CRYGS: variants seen among roughly 807,000 people sequenced by gnomAD.
CRYGS encodes the protein crystallin gamma S.
In CRYGS, 13 loss-of-function variants were observed where a neutral mutation model predicts 21.3. The ratio of observed to expected loss-of-function variants is 0.61; its 90% CI spans 0.40 to 0.97. The LOEUF (loss-of-function observed/expected upper bound fraction) is 0.97. CRYGS is among the 50% of genes least tolerant of loss of function. The pLI is 0.00. For missense variants in CRYGS, 205 were observed against 229.7 expected, an observed-to-expected ratio of 0.89 and a Z score of 0.69; for synonymous variants, 67 against 75.0, an observed-to-expected ratio of 0.89 and a Z score of 0.55.
chr3:186,539,306 C>T (rs377244223), intron 2 of CRYGS, 49 bp downstream of exon 2: 33 of 1,610,644 alleles, frequency 2.0e-5, no homozygotes, highest in Middle Eastern at 2.3e-4. Flanking sequence ...CAAGAGAAAG[C>T]GGACAGAGGG....
chr3:186,538,653 C>A lies in CRYGS; in HGVS notation c.*43G>T. 2 of 1,613,544 alleles carry A rather than the reference C, an allele frequency of 1.2e-6. No individual in the cohort carries two copies. Among genetic ancestry groups the A allele is most frequent in the Non-Finnish European group, 8.5e-7 (1 of 1,179,802 alleles). On this transcript the variant is annotated 3_prime_UTR_variant, in exon 3 of 3. Transcript: ENST00000307944. ...ATGCCTATTTGGACCACAAGGCCAGCCAGCATTTGGGCCCCAGGAAGAATA... is the reference window on the plus strand; with the variant it reads ...ATGCCTATTTGGACCACAAGGCCAGACAGCATTTGGGCCCCAGGAAGAATA...
Position 186,538,945 on chromosome 3 carries a change from A to G in CRYGS, c.288T>C (p.Ile96=). The G allele has an allele frequency of 1.2e-6, 2 of 1,614,088 alleles. No homozygotes were observed. The highest frequency in any genetic ancestry group is 8.5e-7 in the Non-Finnish European group (1 of 1,180,004). ...VHLPSGGQYK[I]QIFEKGDFSG... ...TAAAATCCCCTTTCTCAAAGATCTG[A>G]ATCTTATACTGGCCTCCACTAGGCT... The change falls in exon 3 of 3, where the codon ATT becomes ATC. Residue 96 remains isoleucine, a synonymous_variant. Transcript: ENST00000307944.
At chr3:186,544,122 A>G (rs2108745206) in intron 1 of CRYGS, among the ~76,000 whole-genome samples, 184 bp downstream of exon 1, 1 of 152,278 alleles carries the variant, frequency 6.6e-6, no homozygotes, top group East Asian at 1.9e-4. Context: ...AACCCTTAAT[A>G]AAGTGTTCGG....
intron 1 of CRYGS, chr3:186,539,848 T>G (rs997210527): frequency 4.4e-6 from 2 of 457,972 alleles, no homozygotes; most frequent in African/African-American, 2.0e-5. Context: ...GTGAGCAGTC[T>G]CAGACTCAAG....
chr3:186,540,245 G>A (rs1714033618), intron 1 of CRYGS: 1 of 152,848 alleles, frequency 6.5e-6, no homozygotes, highest in Non-Finnish European at 1.5e-5. Flanking sequence ...CGCTTATCAA[G>A]TTTCTACCAC....
intron 2 of CRYGS, 42 bp downstream of exon 2, chr3:186,539,313 A>G (rs1714000443): frequency 6.2e-7 from 1 of 1,611,592 alleles, no homozygotes. Flanking sequence ...AAGCGGACAG[A>G]GGGCGTGGGA....
At chr3:186,543,460 A>C (rs150636724) in intron 1 of CRYGS, among the ~76,000 whole-genome samples, 175 of 152,322 alleles carry the variant, frequency 1.1e-3, no homozygotes, top group Non-Finnish European at 2.1e-3. Flanking sequence ...CTAAATACTT[A>C]AGGCAAAAGT....
At chr3:186,541,669 A>C (rs1458788989) in intron 1 of CRYGS, among the ~76,000 whole-genome samples, 5 of 152,230 alleles carry the variant, frequency 3.3e-5, no homozygotes, top group African/African-American at 1.2e-4. Flanking sequence ...AGCTTTTGCT[A>C]CAGTTTTTAC....
chr3:186,544,176 T>A (rs1714134928), intron 1 of CRYGS, 130 bp downstream of exon 1: 1 of 754,868 alleles, frequency 1.3e-6, no homozygotes. Context: ...TTTCTTAATC[T>A]TCTCTCTCAA....
chr3:186,543,842 G>A (rs1052428961), intron 1 of CRYGS, among the ~76,000 whole-genome samples: 1 of 152,148 alleles, frequency 6.6e-6, no homozygotes, highest in Non-Finnish European at 1.5e-5. Context: ...AAAAATAATT[G>A]CTTGAATGGA....
intron 1 of CRYGS, chr3:186,539,940 C>T (rs1578957023): frequency 3.5e-6 from 1 of 284,456 alleles, no homozygotes; most frequent in East Asian, 8.9e-5. Flanking sequence ...TCTACCCCTC[C>T]CACCAGAATC....
rs112261986 is a variant in CRYGS at position 186,544,332 on chromosome 3, G to A, written c.-6C>T. ...TTGGTTCCAGTTTTAGACATTTTTG[G>A]TGCATAGACTGGTTTTCCCAGTGCT... On this transcript the variant is annotated 5_prime_UTR_variant, in exon 1 of 3. Transcript: ENST00000307944. 4.4e-6 allele frequency: 7 copies of A among 1,601,262 alleles called. No homozygotes were observed. The African/African-American group carries it at 8.0e-5, about 18-fold the overall frequency.
At chr3:186,542,933 T>C (rs571554660) in intron 1 of CRYGS, among the ~76,000 whole-genome samples, 4 of 151,966 alleles carry the variant, frequency 2.6e-5, no homozygotes, top group African/African-American at 9.7e-5. Flanking sequence ...TCCCCAAACC[T>C]CCTGAATGAC....
chr3:186,542,227 A>G (rs1578958349), intron 1 of CRYGS, among the ~76,000 whole-genome samples: 1 of 152,192 alleles, frequency 6.6e-6, no homozygotes, highest in East Asian at 1.9e-4. Context: ...AGTTGAAACA[A>G]AGCCCTCATC....
rs60190989 is a variant in CRYGS, at chr3:186,540,725, C to T, written c.22-1128G>A. ...TGATTTACTTTATGGATTTCACGGG[C>T]GAAAACTATGTGAGTCATTTCAGAT... On this transcript the variant is annotated intron_variant, in intron 1 of 2. Transcript: ENST00000307944. 5.2e-3 allele frequency: 5,132 copies of T among 977,986 alleles called. 187 individuals carry two copies. In the African/African-American group the frequency reaches 0.082, roughly 16 times the overall value. The allele number at this position is 977,986 out of a possible 1,614,324, so 60.6% of individuals were successfully genotyped here. A position where few individuals can be genotyped will look rare whatever the true frequency, so the allele number is the denominator to read the frequency against.
chr3:186,541,886 C>T (rs1714076961), intron 1 of CRYGS, among the ~76,000 whole-genome samples: 1 of 152,196 alleles, frequency 6.6e-6, no homozygotes, highest in Non-Finnish European at 1.5e-5. Context: ...GGGCCTAAGC[C>T]TCAGGGGCTC....
chr3:186,539,106 C>T, intron 2 of CRYGS, 138 bp from the exon 3 acceptor site: 1 of 1,131,814 alleles, frequency 8.8e-7, no homozygotes. Flanking sequence ...CATGTACTGA[C>T]TAAAACAGCT....
Position 186,539,610 on chromosome 3 carries a change from G to C in CRYGS, c.22-13C>G. The C allele has an allele frequency of 6.2e-7, 1 of 1,614,022 alleles. No homozygotes were observed. Among genetic ancestry groups the C allele is most frequent in the Non-Finnish European group, 8.5e-7 (1 of 1,179,976 alleles). ...CATAGAAAGTAATCTGAAGTAGAGG[G>C]CCAACAGAGAAAGAGCTGAGGAGCT... On this transcript the variant is annotated splice_polypyrimidine_tract_variant and intron_variant, in intron 1 of 2. Transcript: ENST00000307944.
chr3:186,542,251 A>G (rs1349462791), intron 1 of CRYGS, among the ~76,000 whole-genome samples: 1 of 152,228 alleles, frequency 6.6e-6, no homozygotes, highest in Non-Finnish European at 1.5e-5. Flanking sequence ...TTGCTATGGA[A>G]TCATTACTGA....
Sources: allele counts gnomAD v4.1 joint callset (sites outside exome capture counted in the v4.1 genomes callset), GRCh38; gene constraint gnomAD v4.1.1; transcripts MANE v1.5; gene names NCBI Gene and HGNC (gene_info 2026-07-23, HGNC 2026-07-21).